The following GALNT13 variants were observed in gnomAD, a reference collection of about 807,000 sequenced individuals.
GALNT13 encodes the protein polypeptide N-acetylgalactosaminyltransferase 13, also known as UDP-GalNAc:polypeptide N-acetylgalactosaminyltransferase 13.
Under a neutral mutation model 64.2 loss-of-function variants are expected in GALNT13, and 28 were observed. The ratio of observed to expected loss-of-function variants is 0.44; its 90% confidence interval spans 0.32 to 0.60. The LOEUF (loss-of-function observed/expected upper bound fraction) is 0.60. Ranked by LOEUF, GALNT13 falls within the 20% of genes least tolerant of loss-of-function variation. The probability of loss-of-function intolerance (pLI) is 0.05; values close to 1 mark genes in which losing one functional copy is unlikely to be tolerated. For missense variants in GALNT13, 577 were observed against 669.8 expected (o/e 0.86, Z 1.53); for synonymous variants, 214 against 224.6 (o/e 0.95, Z 0.42).
chr2:153,423,581 T>C, the GALNT13 span: 1 of 152,018 alleles, frequency 6.6e-6, no homozygotes, highest in East Asian at 1.9e-4. Context: ...TGATTATGTA[T>C]ATGAAAGTCC....
intron 9 of GALNT13, among the ~76,000 whole-genome samples, chr2:154,319,732 T>C (rs921685454): frequency 6.6e-6 from 1 of 152,124 alleles, no homozygotes; most frequent in African/African-American, 2.4e-5. Context: ...TTGATGATAC[T>C]TTATTCTAAA....
At chr2:153,931,529 G>A (rs2105357112) in intron 2 of GALNT13, among the ~76,000 whole-genome samples, 1 of 152,036 alleles carries the variant, frequency 6.6e-6, no homozygotes, top group African/African-American at 2.4e-5. Context: ...CTCATTTCAT[G>A]CCTAGTTTGT....
At chr2:154,177,678 AGGGAATATAT>A (rs768901153) in intron 4 of GALNT13, among the ~76,000 whole-genome samples, 3 of 152,200 alleles carry the variant, frequency 2.0e-5, no homozygotes, top group Non-Finnish European at 4.4e-5. Context: ...GCTAGGGGAA[AGGGAATATAT>A]GGGAATGCTC....
intron 2 of GALNT13, among the ~76,000 whole-genome samples, chr2:153,929,701 G>A (rs1690380582): frequency 6.6e-6 from 1 of 152,108 alleles, no homozygotes; most frequent in Admixed American, 6.6e-5. Flanking sequence ...TGGCTGTATA[G>A]TATTCCATGG....
chr2:153,955,855 CCT>C (rs1195064960), intron 3 of GALNT13, among the ~76,000 whole-genome samples: 3 of 152,158 alleles, frequency 2.0e-5, no homozygotes, highest in Non-Finnish European at 2.9e-5. Flanking sequence ...CTACAATTCC[CCT>C]GACTTGAAGT....
chr2:153,594,850 A>G, the GALNT13 span, among the ~76,000 whole-genome samples: 2 of 152,128 alleles, frequency 1.3e-5, no homozygotes, highest in African/African-American at 4.8e-5. Context: ...TAAAACAAAT[A>G]CATTCTCAAG....
chr2:153,695,694 T>A, the GALNT13 span, among the ~76,000 whole-genome samples: 1 of 151,458 alleles, frequency 6.6e-6, no homozygotes, highest in South Asian at 2.1e-4. Flanking sequence ...TGATTTAATC[T>A]ATAGATTAAA....
At chr2:153,272,504 G>GA in the GALNT13 span, among the ~76,000 whole-genome samples, 2 of 151,884 alleles carry the variant, frequency 1.3e-5, no homozygotes, top group East Asian at 1.9e-4. Context: ...ACAAACATAT[G>GA]AAAAAAAAGC....
chr2:153,607,101 G>C, the GALNT13 span, among the ~76,000 whole-genome samples: 1 of 151,962 alleles, frequency 6.6e-6, no homozygotes, highest in East Asian at 1.9e-4. Context: ...GAAGTTGTTT[G>C]TCAAAATTTC....
intron 3 of GALNT13, among the ~76,000 whole-genome samples, chr2:154,124,756 C>T (rs1203354479): frequency 2.6e-5 from 4 of 151,912 alleles, no homozygotes; most frequent in Admixed American, 6.6e-5. Context: ...TAAGTTAAAT[C>T]GATTAAGAAT....
At chr2:154,037,135 T>G (rs1300666858) in intron 3 of GALNT13, among the ~76,000 whole-genome samples, 1 of 152,168 alleles carries the variant, frequency 6.6e-6, no homozygotes, top group Non-Finnish European at 1.5e-5. Flanking sequence ...AATGCAATCT[T>G]CATTATAATG....
At chr2:153,076,174 A>G in the GALNT13 span, among the ~76,000 whole-genome samples, 1 of 152,154 alleles carries the variant, frequency 6.6e-6, no homozygotes, top group Non-Finnish European at 1.5e-5. Flanking sequence ...TTTTTGATTA[A>G]TAGTGTCAGG....
At chr2:153,520,363 G>A in the GALNT13 span, among the ~76,000 whole-genome samples, 2 of 152,132 alleles carry the variant, frequency 1.3e-5, no homozygotes, top group Non-Finnish European at 2.9e-5. Context: ...ATCATTTGAG[G>A]TTCATAATTC....
the GALNT13 span, among the ~76,000 whole-genome samples, chr2:153,373,132 TTGTGTGTGTGTG>T: frequency 6.7e-6 from 1 of 148,850 alleles, no homozygotes; most frequent in South Asian, 2.1e-4. Context: ...TTCTGTTGCT[TTGTGTGTGTGTG>T]TGTGTGTGTG....
the GALNT13 span, among the ~76,000 whole-genome samples, chr2:153,452,149 T>A: frequency 0.074 from 11,325 of 152,260 alleles, 491 homozygotes; most frequent in South Asian, 0.14. Context: ...TCTTTTTGCC[T>A]GCTTAGAGAG....
the GALNT13 span, among the ~76,000 whole-genome samples, chr2:153,665,525 G>A: frequency 6.6e-6 from 1 of 151,644 alleles, no homozygotes; most frequent in Non-Finnish European, 1.5e-5. Context: ...ATTAATTCTA[G>A]TTATCCTCAT....
intron 1 of GALNT13, among the ~76,000 whole-genome samples, chr2:153,899,894 T>C (rs1228025960): frequency 6.7e-6 from 1 of 150,018 alleles, no homozygotes; most frequent in African/African-American, 2.4e-5. Context: ...GAACACACTG[T>C]ATTTTTGAAG....
intron 9 of GALNT13, among the ~76,000 whole-genome samples, chr2:154,392,136 T>G (rs1329436482): frequency 1.3e-5 from 2 of 152,194 alleles, no homozygotes; most frequent in Non-Finnish European, 2.9e-5. Context: ...AAGATGTTAC[T>G]GAAACACAGG....
chr2:154,449,729 G>A (rs955162915), intron 12 of GALNT13, among the ~76,000 whole-genome samples: 1 of 151,702 alleles, frequency 6.6e-6, no homozygotes, highest in Non-Finnish European at 1.5e-5. Context: ...ATAATGACTG[G>A]TTAACATACA....
Sources: gnomAD v4.1 joint callset for allele counts (sites outside exome capture counted in the v4.1 genomes callset) on GRCh38, gnomAD v4.1.1 for gene constraint, MANE v1.5 for transcripts, NCBI Gene and HGNC (gene_info 2026-07-23, HGNC 2026-07-21) for gene names.